Variants in HECTD4 observed in about 807,000 individuals in gnomAD.
The protein encoded by HECTD4 is probable E3 ubiquitin-protein ligase HECTD4.
HECTD4 carries 114 observed loss-of-function variants against 471.5 expected under a neutral mutation model. The observed-to-expected ratio is 0.24, with a 90% confidence interval of 0.21 to 0.28. The LOEUF (loss-of-function observed/expected upper bound fraction) is 0.28. Among genes scored for constraint, HECTD4 ranks in the 10% least tolerant of loss-of-function variants. The probability of loss-of-function intolerance (pLI) is 1.00; values close to 1 mark genes in which losing one functional copy is unlikely to be tolerated. For missense variants in HECTD4, 3,866 were observed against 5,651.5 expected (o/e 0.68, Z 10.13); for synonymous variants, 2,012 against 2,256.0 (o/e 0.89, Z 3.07).
In HECTD4 at chr12:112,179,270, T is replaced by C. The variant is rs1224750281; in HGVS notation, c.11115A>G (p.Lys3705=). The change falls in exon 63 of 76, where the codon AAA becomes AAG. Residue 3705 remains lysine, a synonymous_variant. Transcript: ENST00000682272. This position sits in a 1 kb window ranked among gnomAD's most constrained non-coding sequence, Gnocchi z 4.3. ...CTGGGGTCTGGGAGTTGATCTGCTCTTTGCTAAGATAAATGTCAGAGACTC... is the reference window on the plus strand; with the variant it reads ...CTGGGGTCTGGGAGTTGATCTGCTCCTTGCTAAGATAAATGTCAGAGACTC... ...PIRVSDIYLS[K]EQINSQTPGN... is the part of the protein sequence containing the mutation. 6.2e-7 allele frequency: 1 copy of C among 1,613,542 alleles called. No individual in the cohort carries two copies. Among genetic ancestry groups the C allele is most frequent in the Admixed American group, 1.7e-5 (1 of 59,930 alleles).
chr12:112,307,839 T>C (rs1183733823), intron 6 of HECTD4, among the ~76,000 whole-genome samples: 2 of 152,222 alleles, frequency 1.3e-5, no homozygotes, highest in Non-Finnish European at 2.9e-5. Flanking sequence ...AAAGTTGCAG[T>C]GTAAAGAGTT....
At chr12:112,340,588 A>G (rs2036037682) in intron 1 of HECTD4, among the ~76,000 whole-genome samples, 1 of 152,174 alleles carries the variant, frequency 6.6e-6, no homozygotes, top group Non-Finnish European at 1.5e-5. Context: ...CCTACAATGC[A>G]CAGGACAGCC....
intron 35 of HECTD4, 88 bp downstream of exon 35, chr12:112,236,857 T>C (rs2033519102): frequency 7.9e-7 from 1 of 1,266,984 alleles, no homozygotes; most frequent in African/African-American, 1.5e-5. Context: ...TTTAGCTATT[T>C]TGAAAAGACA....
intron 11 of HECTD4, among the ~76,000 whole-genome samples, chr12:112,272,538 T>TG (rs2034437936): frequency 1.3e-5 from 2 of 152,366 alleles, no homozygotes; most frequent in African/African-American, 4.8e-5. Flanking sequence ...TTTTAAACTC[T>TG]GCTCTGGTTT....
chr12:112,240,610 C>T (rs1279531313), intron 32 of HECTD4, among the ~76,000 whole-genome samples: 1 of 151,914 alleles, frequency 6.6e-6, no homozygotes, highest in Non-Finnish European at 1.5e-5. Flanking sequence ...CCACCACATC[C>T]AGCTAATTTT....
Position 112,258,516 on chromosome 12 carries a change from G to A in HECTD4, c.3108C>T (p.Cys1036=). 6.3e-7 allele frequency: 1 copy of A among 1,596,838 alleles called. No homozygotes were observed. The highest frequency in any genetic ancestry group is 8.5e-7 in the Non-Finnish European group (1 of 1,173,394). ...ATTACCTCTCATCAGGGAACAGCCT[G>A]CACTTCTGGTCTGGTGCACCACACG... ...CSPCGAPDQK[C]RLFPDERMLE... is the part of the protein sequence containing the mutation. Residue 1036 remains cysteine (C), a synonymous_variant, in exon 20 of 76, where the codon TGC becomes TGT. Transcript: ENST00000682272.
At chr12:112,355,615 C>T (rs963124238) in intron 1 of HECTD4, among the ~76,000 whole-genome samples, 10 of 150,526 alleles carry the variant, frequency 6.6e-5, no homozygotes, top group African/African-American at 2.2e-4. Context: ...CAAAAATTAG[C>T]TGGGCGTGGT....
chr12:112,287,672 G>A (rs2034783594), intron 7 of HECTD4, among the ~76,000 whole-genome samples: 2 of 151,930 alleles, frequency 1.3e-5, no homozygotes, highest in African/African-American at 2.4e-5. Flanking sequence ...GCTGGATTAC[G>A]CCTGTAATCC....
intron 48 of HECTD4, among the ~76,000 whole-genome samples, chr12:112,214,433 A>T (rs1219118261): frequency 6.6e-6 from 1 of 152,200 alleles, no homozygotes; most frequent in African/African-American, 2.4e-5. Flanking sequence ...TCGCCACGGC[A>T]TCCCCAGGGG....
intron 1 of HECTD4, among the ~76,000 whole-genome samples, chr12:112,355,305 A>AT (rs1284164236): frequency 1.3e-5 from 2 of 150,442 alleles, no homozygotes; most frequent in Non-Finnish European, 3.0e-5. Flanking sequence ...AAAAAAAAAA[A>AT]AAATTGTGGG....
intron 1 of HECTD4, among the ~76,000 whole-genome samples, chr12:112,345,584 T>C (rs1441208064): frequency 6.6e-6 from 1 of 152,210 alleles, no homozygotes; most frequent in Non-Finnish European, 1.5e-5. Context: ...TTCTTCCTTT[T>C]GCTTTTTCAA....
intron 64 of HECTD4, among the ~76,000 whole-genome samples, chr12:112,177,372 A>C (rs371777691): frequency 2.7e-5 from 4 of 148,082 alleles, no homozygotes; most frequent in African/African-American, 1.0e-4. Context: ...GAATGTTATG[A>C]GGCTATTTTT....
chr12:112,193,036 A>T lies in HECTD4; in HGVS notation c.9086+25T>A. On this transcript the variant is annotated intron_variant, in intron 58 of 75. Coordinates refer to ENST00000682272, the MANE Select transcript of HECTD4 (RefSeq NM_001388303.1). The surrounding 1 kb of genome is among the most constrained non-coding windows in gnomAD (Gnocchi z 5.2). The stretch of plus-strand genomic sequence containing the variant: ...ATTTAGCTTTCCTCTCCCCATCACC[A>T]TCTTCTTGAGAACAGGCAACTTACT... 6.2e-7 allele frequency: 1 copy of T among 1,613,414 alleles called. No homozygotes were observed. The highest frequency in any genetic ancestry group is 8.5e-7 in the Non-Finnish European group (1 of 1,179,540).
chr12:112,199,213 C>T (rs1024641938), intron 55 of HECTD4, among the ~76,000 whole-genome samples: 1 of 152,122 alleles, frequency 6.6e-6, no homozygotes, highest in Non-Finnish European at 1.5e-5. Flanking sequence ...TGTGAGGACC[C>T]CTGTTGAAGA....
intron 17 of HECTD4, among the ~76,000 whole-genome samples, chr12:112,263,696 T>C (rs2034198766): frequency 6.7e-6 from 1 of 148,902 alleles, no homozygotes; most frequent in Non-Finnish European, 1.5e-5. Flanking sequence ...TATTTAATGC[T>C]CCCAAGATTT....
intron 19 of HECTD4, chr12:112,258,882 A>G (rs983945720): frequency 8.9e-6 from 5 of 559,160 alleles, no homozygotes; most frequent in Admixed American, 7.4e-5. Context: ...ATAGCTGATC[A>G]GCCATGAACA....
At chr12:112,251,233 C>A in intron 23 of HECTD4, 99 bp from the exon 24 acceptor site, 1 of 1,181,386 alleles carries the variant, frequency 8.5e-7, no homozygotes, top group Non-Finnish European at 1.2e-6. Flanking sequence ...CCACAGGGTT[C>A]TACAGAGCAG....
chr12:112,293,364 CAAAAAAAA>C (rs754332904), intron 7 of HECTD4, among the ~76,000 whole-genome samples: 1 of 69,904 alleles, frequency 1.4e-5, no homozygotes. Flanking sequence ...GACTCTGTCT[CAAAAAAAA>C]AAAAAAAAAA....
Position 112,319,518 on chromosome 12 carries a change from C to T in HECTD4, c.402G>A (p.Gln134=). 1 of 1,467,008 alleles carries T rather than the reference C, an allele frequency of 6.8e-7. No individual in the cohort carries two copies. The highest frequency in any genetic ancestry group is 9.0e-7 in the Non-Finnish European group (1 of 1,113,938). The allele number at this position is 1,467,008 out of a possible 1,614,324, so 90.9% of individuals were successfully genotyped here. A position where few individuals can be genotyped will look rare whatever the true frequency, so the allele number is the denominator to read the frequency against. The change falls in exon 2 of 76, where the codon CAG becomes CAA. Residue 134 remains glutamine (Q), a synonymous_variant. Coordinates refer to ENST00000682272, the MANE Select transcript of HECTD4 (RefSeq NM_001388303.1). The surrounding 1 kb of genome is among the most constrained non-coding windows in gnomAD (Gnocchi z 5.3). The part of the protein sequence containing the change: ...LALLKRQGLL[Q]QPEQAPFTSR... ...ATGTGAAGGGCGCTTGCTCAGGTTG[C>T]TGCAACAAGCCCTGGCGTTTGAGCA...
Sources: allele counts gnomAD v4.1 joint callset (sites outside exome capture counted in the v4.1 genomes callset), GRCh38; gene constraint gnomAD v4.1.1; non-coding constraint Gnocchi (gnomAD v3.1); transcripts MANE v1.5; gene names NCBI Gene and HGNC (gene_info 2026-07-23, HGNC 2026-07-21).